The following UTP6 variants were observed in gnomAD, a reference collection of about 807,000 sequenced individuals.
UTP6 encodes UTP6 small subunit processome component.
UTP6 carries 60 observed loss-of-function variants against 96.5 expected under a neutral mutation model. That is an observed-to-expected ratio of 0.62 (90% CI 0.51 to 0.77). The LOEUF (loss-of-function observed/expected upper bound fraction) is 0.77. Among genes scored for constraint, UTP6 ranks in the 30% least tolerant of loss-of-function variants. The pLI, the probability that UTP6 is intolerant of heterozygous loss-of-function variation, is 0.00. For synonymous variants in UTP6, 215 were observed against 240.1 expected (o/e 0.90, Z 0.96); for missense variants, 637 against 706.5 (o/e 0.90, Z 1.12).
rs1355418448 is a variant in UTP6 at position 31,884,608 on chromosome 17, T to C, written c.704-103A>G. 1.0e-5 allele frequency: 9 copies of C among 894,542 alleles called. No homozygotes were observed. The Admixed American group carries it at 1.2e-4, about 12-fold the overall frequency. The allele number at this position is 894,542 out of a possible 1,614,324, so 55.4% of individuals were successfully genotyped here. On this transcript the variant is annotated intron_variant, in intron 9 of 18. Coordinates refer to ENST00000261708, the MANE Select transcript of UTP6 (RefSeq NM_018428.3). ...GTACTGGAGTTAATCTTCTTGTTTT[T>C]TGAAATGAGAAATAGAATAAAATAG...
At chr17:31,895,768 G>A (rs904046321) in intron 2 of UTP6, among the ~76,000 whole-genome samples, 2 of 151,720 alleles carry the variant, frequency 1.3e-5, no homozygotes, top group African/African-American at 2.4e-5. Context: ...TCCCGACCTC[G>A]AGTGATCCAC....
Position 31,880,634 on chromosome 17 carries a change from G to A in UTP6, c.906C>T (p.Val302=), listed in dbSNP as rs532692953. ...CACAGCACCTCTCCTCCTTCCGGCC[G>A]ACCTCCACTGCTTTGGCTTGTTTCG... ...PTTKQAKAVE[V]GRKEERCCAV... The change falls in exon 11 of 19, where the codon GTC becomes GTT. Residue 302 remains valine, a synonymous_variant. Coordinates refer to ENST00000261708, the MANE Select transcript of UTP6 (RefSeq NM_018428.3). 105 of 1,614,002 alleles carry A rather than the reference G, an allele frequency of 6.5e-5. 2 individuals carry two copies. The South Asian group carries it at 9.4e-4, about 15-fold the overall frequency.
Position 31,887,403 on chromosome 17 carries a change from G to A in UTP6, c.544-90C>T, listed in dbSNP as rs984950875. On this transcript the variant is annotated intron_variant, in intron 7 of 18. Transcript: ENST00000261708. ...CTTGCTCTGTCACCCAAGCTGGAGT[G>A]CACTGGTGATGACAGCTCATTTCGG... The A allele has an allele frequency of 5.5e-5, 57 of 1,027,714 alleles. No individual in the cohort carries two copies. In the African/African-American group the frequency reaches 8.4e-4, roughly 15 times the overall value. The allele number at this position is 1,027,714 out of a possible 1,614,324, so 63.7% of individuals were successfully genotyped here.
intron 2 of UTP6, among the ~76,000 whole-genome samples, chr17:31,897,336 C>A (rs1904710158): frequency 6.6e-6 from 1 of 151,614 alleles, no homozygotes; most frequent in African/African-American, 2.4e-5. Flanking sequence ...TTTGAGTGAG[C>A]AATCTACTCA....
In UTP6 at chr17:31,874,472, G is replaced by T. The variant is rs187698025; in HGVS notation, c.1306-719C>A. 3.0e-4 allele frequency among the ~76,000 whole-genome samples: 45 copies of T among 152,196 alleles called. No homozygotes were observed. The East Asian group carries it at 8.5e-3, about 29-fold the overall frequency. Reference sequence around the variant, plus strand: ...GAGACAGGAGAATCGCTTGAACCTGGGAGGTGGAGGTTGCAGTGAGCCAAG... The same window carrying T: ...GAGACAGGAGAATCGCTTGAACCTGTGAGGTGGAGGTTGCAGTGAGCCAAG... On this transcript the variant is annotated intron_variant, in intron 14 of 18. Coordinates refer to ENST00000261708, the MANE Select transcript of UTP6 (RefSeq NM_018428.3).
Position 31,887,380 on chromosome 17 carries a change from T to TG in UTP6, c.544-68dup, listed in dbSNP as rs1598111797. 7 of 1,351,952 alleles carry TG rather than the reference T, an allele frequency of 5.2e-6. No individual in the cohort carries two copies. The East Asian group carries it at 1.7e-4, about 32-fold the overall frequency. The allele number at this position is 1,351,952 out of a possible 1,614,324, so 83.7% of individuals were successfully genotyped here. On this transcript the variant is annotated intron_variant, in intron 7 of 18. Coordinates refer to ENST00000261708, the MANE Select transcript of UTP6 (RefSeq NM_018428.3). Reference sequence around the variant, plus strand: ...TTAAAATTTTTTTGAGACAGGGTCTTGCTCTGTCACCCAAGCTGGAGTGCA... The same window carrying TG: ...TTAAAATTTTTTTGAGACAGGGTCTTGGCTCTGTCACCCAAGCTGGAGTGCA...
At chr17:31,864,733 G>C (rs1001720753) in intron 18 of UTP6, among the ~76,000 whole-genome samples, 3 of 151,018 alleles carry the variant, frequency 2.0e-5, no homozygotes, top group Admixed American at 2.0e-4. Context: ...AACAATCCTC[G>C]CACCTCAGCC....
At position 31,886,123 on chromosome 17, in the gene UTP6, G is replaced by A. The variant is rs765510217; in HGVS notation, c.622-62C>T. On this transcript the variant is annotated intron_variant, in intron 8 of 18. Coordinates refer to ENST00000261708, the MANE Select transcript of UTP6 (RefSeq NM_018428.3). ...GTACAAGGAGGAAAAGCACTAGGAC[G>A]AAAATTAACAATCCTAGACTACCTG... 1.2e-4 allele frequency: 175 copies of A among 1,416,102 alleles called. 1 individual carries two copies. Among genetic ancestry groups the A allele is most frequent in the African/African-American group, 7.6e-4 (53 of 70,084 alleles). The allele number at this position is 1,416,102 out of a possible 1,614,324, so 87.7% of individuals were successfully genotyped here. A position where few individuals can be genotyped will look rare whatever the true frequency, so the allele number is the denominator to read the frequency against.
At chr17:31,898,308 G>A (rs1050850266) in intron 2 of UTP6, among the ~76,000 whole-genome samples, 6 of 151,918 alleles carry the variant, frequency 3.9e-5, no homozygotes, top group Admixed American at 2.0e-4. Context: ...AGGCCGAGGC[G>A]GGTGGATCAC....
intron 2 of UTP6, among the ~76,000 whole-genome samples, chr17:31,895,718 G>C (rs183900678): frequency 2.6e-5 from 4 of 152,084 alleles, no homozygotes; most frequent in African/African-American, 9.6e-5. Context: ...ATTTTTAGTA[G>C]AGATGGGGTT....
At chr17:31,899,430 CA>C (rs969317220) in intron 2 of UTP6, among the ~76,000 whole-genome samples, 77 of 152,010 alleles carry the variant, frequency 5.1e-4, no homozygotes, top group Non-Finnish European at 1.1e-3. Context: ...CAGTCTCTAC[CA>C]AAAAATTAGC....
chr17:31,873,388 C>T lies in UTP6; in HGVS notation c.1486G>A (p.Val496Met). The part of the protein sequence containing the change: ...RSGGYKKARA[V>M]FKSLQESRPF... The stretch of plus-strand genomic sequence containing the variant: ...AACGTCTGTGAGTACCTTTTAAACA[C>T]AGCTCTGGCCTTTTTGTAGCCACCA... The change falls in exon 16 of 19, where the codon GTG becomes ATG. Residue 496 changes from valine to methionine, a missense_variant. Val to Met is a conservative substitution (Grantham distance 21). Coordinates refer to ENST00000261708, the MANE Select transcript of UTP6 (RefSeq NM_018428.3). The T allele has an allele frequency of 1.2e-6, 2 of 1,614,190 alleles. No individual in the cohort carries two copies. The highest frequency in any genetic ancestry group is 1.1e-5 in the South Asian group (1 of 91,080).
chr17:31,877,180 C>T (rs183668455), intron 13 of UTP6, among the ~76,000 whole-genome samples: 15 of 152,134 alleles, frequency 9.9e-5, no homozygotes, highest in Admixed American at 3.3e-4. Context: ...AAGTGCTCAA[C>T]GCTTCAATTT....
At chr17:31,896,342 T>G (rs1221091056) in intron 2 of UTP6, among the ~76,000 whole-genome samples, 2 of 152,050 alleles carry the variant, frequency 1.3e-5, no homozygotes. Flanking sequence ...CCTCCCAAAG[T>G]GCTAGGATTA....
intron 16 of UTP6, among the ~76,000 whole-genome samples, chr17:31,870,494 T>TTGTTG (rs1567777905): frequency 6.6e-6 from 1 of 150,810 alleles, no homozygotes. Context: ...GTTTTTTGTT[T>TTGTTG]TTGTTGTTGT....
intron 1 of UTP6, among the ~76,000 whole-genome samples, chr17:31,900,024 G>A (rs1904879350): frequency 6.6e-6 from 1 of 151,702 alleles, no homozygotes; most frequent in Middle Eastern, 3.2e-3. Flanking sequence ...CGTGCCTGTA[G>A]TCCCAGCTAC....
chr17:31,894,645 T>C lies in UTP6; in HGVS notation c.312A>G (p.Lys104=). The change falls in exon 4 of 19, where the codon AAA becomes AAG. Residue 104 remains lysine, a splice_region_variant and synonymous_variant. Coordinates refer to ENST00000261708, the MANE Select transcript of UTP6 (RefSeq NM_018428.3). ...GVFQRASAKW[K]DDVQLWLSYV... is the part of the protein sequence containing the mutation. ...AGTTAAGGATGCCTTGATCACTCAC[T>C]TTCCATTTTGCTGAGGCACGCTGGA... 1 of 1,603,270 alleles carries C rather than the reference T, an allele frequency of 6.2e-7. No homozygotes were observed. Among genetic ancestry groups the C allele is most frequent in the Non-Finnish European group, 8.5e-7 (1 of 1,172,832 alleles).
At chr17:31,865,524 C>A in intron 17 of UTP6, 86 bp from the exon 18 acceptor site, 1 of 1,338,208 alleles carries the variant, frequency 7.5e-7, no homozygotes, top group Non-Finnish European at 1.1e-6. Flanking sequence ...CAGCTACTGT[C>A]TGTCAGGTAT....
chr17:31,893,134 T>G (rs7406406), intron 4 of UTP6, among the ~76,000 whole-genome samples: 43,393 of 151,878 alleles, frequency 0.29, 6,921 homozygotes, highest in African/African-American at 0.43. Flanking sequence ...TTAGCCGGAC[T>G]TGGTGGCAGA....
Sources: allele counts gnomAD v4.1 joint callset (sites outside exome capture counted in the v4.1 genomes callset), GRCh38; gene constraint gnomAD v4.1.1; transcripts MANE v1.5; gene names NCBI Gene and HGNC (gene_info 2026-07-23, HGNC 2026-07-21).